OR14I1: variants seen among roughly 807,000 people sequenced by gnomAD.
OR14I1 encodes the protein olfactory receptor 14I1.
For missense variants in OR14I1, 279 were observed against 181.8 expected (o/e 1.53, Z -3.07); for synonymous variants, 118 against 71.1 (o/e 1.66, Z -3.32).
chr1:248,685,495 G>A (rs530214203), upstream of OR14I1, among the ~76,000 whole-genome samples: 82 of 152,168 alleles, frequency 5.4e-4, no homozygotes, highest in African/African-American at 1.8e-3. Context: ...ACTATCTCCC[G>A]GGTTAGCTTG....
chr1:248,690,607 A>AAAG, the OR14I1 span, among the ~76,000 whole-genome samples: 1 of 47,594 alleles, frequency 2.1e-5, no homozygotes, highest in South Asian at 8.7e-4. Flanking sequence ...AACCAAAAAA[A>AAAG]AAAAAAAAAA....
At chr1:248,693,146 C>T in the OR14I1 span, among the ~76,000 whole-genome samples, 4 of 152,158 alleles carry the variant, frequency 2.6e-5, no homozygotes, top group African/African-American at 9.7e-5. Context: ...AACATTTCTC[C>T]CATTGCTGCC....
At chr1:248,700,094 G>A in the OR14I1 span, among the ~76,000 whole-genome samples, 2 of 152,170 alleles carry the variant, frequency 1.3e-5, no homozygotes, top group Admixed American at 6.5e-5. Context: ...TCACCCAGGA[G>A]CTTTAAATTA....
chr1:248,700,452 A>G, the OR14I1 span, among the ~76,000 whole-genome samples: 1 of 152,228 alleles, frequency 6.6e-6, no homozygotes, highest in Non-Finnish European at 1.5e-5. Context: ...AACCAAATTA[A>G]TGGCTTTTCT....
chr1:248,682,923 C>T (rs1311333013), upstream of OR14I1, among the ~76,000 whole-genome samples: 3 of 152,124 alleles, frequency 2.0e-5, no homozygotes, highest in Non-Finnish European at 4.4e-5. Flanking sequence ...TATTTTGTGT[C>T]AATGTGCAAG....
upstream of OR14I1, among the ~76,000 whole-genome samples, chr1:248,683,167 G>A (rs962708328): frequency 1.3e-5 from 2 of 152,124 alleles, no homozygotes; most frequent in East Asian, 3.8e-4. Context: ...TTTAAATCAA[G>A]GCAGTTCATT....
chr1:248,698,874 C>T, the OR14I1 span: 1 of 152,248 alleles, frequency 6.6e-6, no homozygotes, highest in Non-Finnish European at 1.5e-5. Context: ...CGTGACGTAG[C>T]CATTGAAATG....
At chr1:248,697,477 TA>T in the OR14I1 span, among the ~76,000 whole-genome samples, 1,702 of 127,660 alleles carry the variant, frequency 0.013, 18 homozygotes, top group East Asian at 0.04. Flanking sequence ...TGGTTAGGTT[TA>T]AAAAAAAAAA....
At chr1:248,697,596 C>G in the OR14I1 span, among the ~76,000 whole-genome samples, 4 of 151,804 alleles carry the variant, frequency 2.6e-5, no homozygotes, top group Admixed American at 2.0e-4. Flanking sequence ...ACCAGCCTGA[C>G]CAACATGGAG....
At chr1:248,681,270 A>T, downstream of OR14I1, 1 of 557,994 alleles carries the variant, frequency 1.8e-6, no homozygotes, top group South Asian at 2.7e-5. Context: ...AGGATTTTTC[A>T]TCATTTCATC....
upstream of OR14I1, among the ~76,000 whole-genome samples, chr1:248,683,761 C>T (rs181280041): frequency 3.9e-4 from 59 of 152,346 alleles, no homozygotes; most frequent in African/African-American, 1.3e-3. Context: ...TGGCAAAGCG[C>T]GGTGGCGAAC....
downstream of OR14I1, among the ~76,000 whole-genome samples, chr1:248,680,380 A>C (rs1048234225): frequency 2.0e-5 from 3 of 152,238 alleles, no homozygotes; most frequent in African/African-American, 7.2e-5. Context: ...TCAGCCTCAC[A>C]CACAACTGCG....
chr1:248,698,387 T>C, the OR14I1 span, among the ~76,000 whole-genome samples: 1 of 152,214 alleles, frequency 6.6e-6, no homozygotes, highest in Non-Finnish European at 1.5e-5. Context: ...TGGCTATTGC[T>C]AGTTCTTAAA....
chr1:248,681,723 C>A, exon 1 of OR14I1: 1 of 781,066 alleles, frequency 1.3e-6, no homozygotes, highest in South Asian at 1.3e-5. Flanking sequence ...GGGTCAAAAA[C>A]TCTACAAAGA....
chr1:248,687,100 C>T (rs1003368742), upstream of OR14I1, among the ~76,000 whole-genome samples: 3 of 152,240 alleles, frequency 2.0e-5, no homozygotes, highest in African/African-American at 7.2e-5. Context: ...TAGGTGCCAA[C>T]TGAACTCAGA....
chr1:248,684,884 A>G (rs4472782), upstream of OR14I1, among the ~76,000 whole-genome samples: 106,725 of 151,608 alleles, frequency 0.7, 40,471 homozygotes, highest in Middle Eastern at 0.86. Context: ...TTGAACAGTA[A>G]TTATATCTGT....
chr1:248,685,302 C>A (rs1661631400), upstream of OR14I1, among the ~76,000 whole-genome samples: 1 of 152,140 alleles, frequency 6.6e-6, no homozygotes, highest in African/African-American at 2.4e-5. Context: ...TGCAGAGTAA[C>A]TTTTAAAACT....
downstream of OR14I1, among the ~76,000 whole-genome samples, chr1:248,679,025 A>G (rs536835736): frequency 7.2e-5 from 11 of 152,310 alleles, no homozygotes; most frequent in African/African-American, 2.4e-4. Flanking sequence ...AAATTTGTAT[A>G]AAAAGCTGTT....
exon 1 of OR14I1, chr1:248,682,175 T>C (rs139354059): frequency 5.1e-6 from 4 of 780,988 alleles, no homozygotes; most frequent in Non-Finnish European, 9.6e-6. Flanking sequence ...ATGACTGCAA[T>C]GATGAGCAGG....
Sources: allele counts gnomAD v4.1 joint callset (sites outside exome capture counted in the v4.1 genomes callset), GRCh38; gene constraint gnomAD v4.1.1; transcripts MANE v1.5; gene names NCBI Gene and HGNC (gene_info 2026-07-23, HGNC 2026-07-21).